BACH1: variants seen among roughly 807,000 people sequenced by gnomAD.
BACH1 encodes BTB domain and CNC homolog 1.
Under a neutral mutation model 52.9 loss-of-function variants are expected in BACH1, and 35 were observed. That is an observed-to-expected ratio of 0.66 (90% CI 0.51 to 0.88). BACH1 has a LOEUF of 0.88. BACH1 is among the 40% of genes least tolerant of loss of function. The pLI, the probability that BACH1 is intolerant of heterozygous loss-of-function variation, is 0.00. For synonymous variants in BACH1, 321 were observed against 319.6 expected (o/e 1.00, Z -0.05); for missense variants, 808 against 872.6 (o/e 0.93, Z 0.93).
chr21:29,338,982 A>G (rs1832118094), intron 4 of BACH1, among the ~76,000 whole-genome samples: 2 of 152,160 alleles, frequency 1.3e-5, no homozygotes, highest in African/African-American at 4.8e-5. Context: ...TTCTTAGTTC[A>G]GAGAGGTTGT....
intron 3 of BACH1, among the ~76,000 whole-genome samples, chr21:29,328,317 C>G (rs1243774317): frequency 6.6e-6 from 1 of 152,046 alleles, no homozygotes; most frequent in African/African-American, 2.4e-5. Flanking sequence ...TTGATAGATC[C>G]TTTCTGTAAA....
chr21:29,307,407 T>TTG lies in BACH1; in HGVS notation c.-61+8473_-61+8474dup, dbSNP rs139633407. ...AACATGTCCATTACCTCACTTACCT[T>TTG]TGTGTGTGTGTGTGTGTGTGGTGAG... On this transcript the variant is annotated intron_variant, in intron 1 of 4. Transcript: ENST00000286800. Among the ~76,000 whole-genome samples the TTG allele has an allele frequency of 7.9e-3, 1,182 of 150,016 alleles. 4 individuals are homozygous for TTG. The highest frequency in any genetic ancestry group is 0.015 in the African/African-American group (622 of 40,948).
chr21:29,361,569 C>G (rs913356037), intron 2 of BACH1: 5 of 152,174 alleles, frequency 3.3e-5, no homozygotes, highest in African/African-American at 1.2e-4. Context: ...TGGCAGCACA[C>G]CACTACCTAC....
chr21:29,329,216 G>C (rs908287978), intron 3 of BACH1, among the ~76,000 whole-genome samples: 1 of 152,198 alleles, frequency 6.6e-6, no homozygotes, highest in Non-Finnish European at 1.5e-5. Flanking sequence ...GCTGAGGTGA[G>C]AGGATCGCTT....
intron 1 of BACH1, among the ~76,000 whole-genome samples, chr21:29,302,236 G>T (rs2088611637): frequency 6.6e-6 from 1 of 152,212 alleles, no homozygotes; most frequent in Non-Finnish European, 1.5e-5. Context: ...TAAAATATAT[G>T]TCAAATGAGG....
At chr21:29,323,026 C>CTAATT (rs10629864) in intron 2 of BACH1, among the ~76,000 whole-genome samples, 108,241 of 151,748 alleles carry the variant, frequency 0.71, 39,732 homozygotes, top group African/African-American at 0.88. Context: ...TTCATTCTTT[C>CTAATT]TAATGTGTAA....
chr21:29,329,132 AC>A (rs1224870022), intron 3 of BACH1, among the ~76,000 whole-genome samples: 1 of 151,924 alleles, frequency 6.6e-6, no homozygotes, highest in Non-Finnish European at 1.5e-5. Context: ...ACATGGTAAA[AC>A]CCCATCTCTA....
chr21:29,305,779 A>C (rs1351495292), intron 1 of BACH1, among the ~76,000 whole-genome samples: 1 of 152,256 alleles, frequency 6.6e-6, no homozygotes, highest in Admixed American at 6.5e-5. Flanking sequence ...GTATGTGGAC[A>C]GTAGGGTTGC....
At chr21:29,339,309 G>A (rs542343214) in intron 4 of BACH1, among the ~76,000 whole-genome samples, 41 of 152,256 alleles carry the variant, frequency 2.7e-4, no homozygotes, top group African/African-American at 9.4e-4. Flanking sequence ...TTTCCAGTCT[G>A]ATAGTGAGAT....
chr21:29,347,880 A>G (rs150451068), downstream of BACH1, among the ~76,000 whole-genome samples: 239 of 152,350 alleles, frequency 1.6e-3, no homozygotes, highest in African/African-American at 5.3e-3. Context: ...CCAACATAAC[A>G]TTCCCATAAG....
At chr21:29,306,890 A>G (rs1397046126) in intron 1 of BACH1, among the ~76,000 whole-genome samples, 2 of 152,254 alleles carry the variant, frequency 1.3e-5, no homozygotes, top group African/African-American at 4.8e-5. Flanking sequence ...CAATTTTGTC[A>G]ATAAATATAT....
At chr21:29,311,039 T>A (rs982782658) in intron 1 of BACH1, among the ~76,000 whole-genome samples, 10 of 152,322 alleles carry the variant, frequency 6.6e-5, no homozygotes, top group Admixed American at 6.5e-4. Flanking sequence ...TTCAATAGAT[T>A]TCATCAGATT....
intron 1 of BACH1, among the ~76,000 whole-genome samples, chr21:29,306,989 A>ATAAT (rs2123408133): frequency 6.6e-6 from 1 of 152,326 alleles, no homozygotes; most frequent in South Asian, 2.1e-4. Context: ...AGGAGAACAT[A>ATAAT]TAATTATATC....
chr21:29,336,398 C>T (rs1453266159), intron 4 of BACH1, among the ~76,000 whole-genome samples: 1 of 152,148 alleles, frequency 6.6e-6, no homozygotes. Context: ...ATTGTCGTAC[C>T]TGGGTAGCTG....
At chr21:29,317,448 A>C (rs2123428161) in intron 1 of BACH1, among the ~76,000 whole-genome samples, 1 of 152,350 alleles carries the variant, frequency 6.6e-6, no homozygotes, top group Admixed American at 6.5e-5. Flanking sequence ...GCTGAAGAGT[A>C]GAAGTCCAGA....
At chr21:29,304,273 C>T (rs1194841224) in intron 1 of BACH1, among the ~76,000 whole-genome samples, 2 of 151,856 alleles carry the variant, frequency 1.3e-5, no homozygotes, top group Non-Finnish European at 2.9e-5. Context: ...TTATGGGGCA[C>T]CCCCCACCAT....
chr21:29,348,928 A>T (rs2089186772), downstream of BACH1, among the ~76,000 whole-genome samples: 1 of 151,996 alleles, frequency 6.6e-6, no homozygotes, highest in Non-Finnish European at 1.5e-5. Context: ...CCCCATCTCT[A>T]CTAAAAATAC....
In BACH1 at chr21:29,342,484, G is replaced by C. The variant is rs1296751280; in HGVS notation, c.1862G>C (p.Cys621Ser). 6.2e-7 allele frequency: 1 copy of C among 1,614,202 alleles called. No individual in the cohort carries two copies. The highest frequency in any genetic ancestry group is 2.2e-5 in the East Asian group (1 of 44,886). ...GETKQNLTGL[C>S]QKVCKEAALS... Reference sequence around the variant, plus strand: ...ACAAAGCAGAACCTAACTGGACTTTGCCAGAAAGTTTGTAAAGAAGCAGCT... The same window carrying C: ...ACAAAGCAGAACCTAACTGGACTTTCCCAGAAAGTTTGTAAAGAAGCAGCT... The change falls in exon 5 of 5, where the codon TGC becomes TCC. Residue 621 changes from cysteine to serine, a missense_variant. Coordinates refer to ENST00000286800, the MANE Select transcript of BACH1 (RefSeq NM_001186.4).
rs1049633413 is a variant in BACH1 at position 29,327,267 on chromosome 21, T to C, written c.1443T>C (p.Asp481=). Residue 481 remains aspartate (D), a synonymous_variant, in exon 3 of 5, where the codon GAT becomes GAC. Transcript: ENST00000286800. The part of the protein sequence containing the change: ...GCSSNLEIGN[D]DYVSEPQQEP... ...CAAGCAATTTGGAAATTGGAAACGA[T>C]GATTATGTTTCAGAACCCCAGCAAG... 1 of 1,614,198 alleles carries C rather than the reference T, an allele frequency of 6.2e-7. No individual in the cohort carries two copies. Among genetic ancestry groups the C allele is most frequent in the Non-Finnish European group, 8.5e-7 (1 of 1,180,032 alleles).
Sources: allele counts gnomAD v4.1 joint callset (sites outside exome capture counted in the v4.1 genomes callset), GRCh38; gene constraint gnomAD v4.1.1; transcripts MANE v1.5; gene names NCBI Gene and HGNC (gene_info 2026-07-23, HGNC 2026-07-21).